The following CPNE8 variants were observed in gnomAD, a reference collection of about 807,000 sequenced individuals.
The protein encoded by CPNE8 is copine 8.
In CPNE8, 45 loss-of-function variants were observed where a neutral mutation model predicts 81.5. That is an observed-to-expected ratio of 0.55 (90% CI 0.44 to 0.71). CPNE8 has a LOEUF of 0.71. Among genes scored for constraint, CPNE8 ranks in the 30% least tolerant of loss-of-function variants. CPNE8 has a pLI of 0.00. For missense variants in CPNE8, 594 were observed against 672.1 expected, an observed-to-expected ratio of 0.88 and a Z score of 1.28; for synonymous variants, 252 against 226.3, an observed-to-expected ratio of 1.11 and a Z score of -1.02.
chr12:38,693,900 T>C, intron 14 of CPNE8, 62 bp from the exon 15 acceptor site: 1 of 1,358,010 alleles, frequency 7.4e-7, no homozygotes, highest in East Asian at 2.4e-5. Flanking sequence ...AACAAAATTT[T>C]TCTTGGTGTC....
At chr12:38,738,993 C>T (rs758281468) in intron 10 of CPNE8, among the ~76,000 whole-genome samples, 2 of 151,584 alleles carry the variant, frequency 1.3e-5, no homozygotes, top group Non-Finnish European at 2.9e-5. Context: ...TCTGTCTTTT[C>T]GTAGAGATGG....
intron 8 of CPNE8, among the ~76,000 whole-genome samples, chr12:38,767,190 C>T (rs549761794): frequency 6.6e-6 from 1 of 151,740 alleles, no homozygotes; most frequent in African/African-American, 2.4e-5. Context: ...TCATAACTGG[C>T]AAAAGTATTC....
chr12:38,743,055 TAACTA>T (rs1941146177), intron 10 of CPNE8, among the ~76,000 whole-genome samples: 1 of 152,106 alleles, frequency 6.6e-6, no homozygotes, highest in Non-Finnish European at 1.5e-5. Context: ...CATTTGTACT[TAACTA>T]AATACACAAT....
At chr12:38,795,708 G>A (rs1942444098) in intron 6 of CPNE8, among the ~76,000 whole-genome samples, 1 of 152,144 alleles carries the variant, frequency 6.6e-6, no homozygotes, top group African/African-American at 2.4e-5. Flanking sequence ...ATTACCGGCA[G>A]CTAGAGGGAA....
chr12:38,791,978 AC>A (rs936030079), intron 6 of CPNE8, among the ~76,000 whole-genome samples: 2 of 151,228 alleles, frequency 1.3e-5, no homozygotes, highest in African/African-American at 4.8e-5. Context: ...TTTTCACTTA[AC>A]AGTGGGTCAA....
chr12:38,836,391 T>A (rs966932432), intron 5 of CPNE8, among the ~76,000 whole-genome samples: 8 of 152,144 alleles, frequency 5.3e-5, no homozygotes, highest in Admixed American at 5.2e-4. Context: ...ATTTGCAATG[T>A]TAGAAATCTA....
rs561834290 is a variant in CPNE8, at chr12:38,700,167, C to T, written c.961+2708G>A. On this transcript the variant is annotated intron_variant, in intron 14 of 19. Transcript: ENST00000331366. ...TTCATCTCAAGACAAAAATGTTAAG[C>T]TTTTCACCACTAAGTATCATGTTAT... 1.5e-4 allele frequency among the ~76,000 whole-genome samples: 23 copies of T among 151,396 alleles called. No individual in the cohort carries two copies. In the South Asian group the frequency reaches 4.8e-3, roughly 32 times the overall value.
intron 1 of CPNE8, among the ~76,000 whole-genome samples, chr12:38,881,260 G>A (rs971031599): frequency 6.6e-6 from 1 of 151,410 alleles, no homozygotes; most frequent in Admixed American, 6.6e-5. Flanking sequence ...CTAAAAAGCC[G>A]AAGTCAGCTA....
At chr12:38,745,643 A>G (rs1454247671) in intron 10 of CPNE8, among the ~76,000 whole-genome samples, 1 of 152,174 alleles carries the variant, frequency 6.6e-6, no homozygotes, top group Non-Finnish European at 1.5e-5. Context: ...AATGGGCTCA[A>G]GCGATCCTCC....
At chr12:38,746,325 G>A (rs1941227074) in intron 10 of CPNE8, among the ~76,000 whole-genome samples, 1 of 152,132 alleles carries the variant, frequency 6.6e-6, no homozygotes, top group South Asian at 2.1e-4. Context: ...TACCATGAAT[G>A]GGGGAAAGAG....
At chr12:38,762,641 C>G (rs938790323) in intron 8 of CPNE8, among the ~76,000 whole-genome samples, 5 of 152,052 alleles carry the variant, frequency 3.3e-5, no homozygotes, top group African/African-American at 1.2e-4. Flanking sequence ...AGTGTGTGAA[C>G]TTTTAGTCTA....
intron 10 of CPNE8, among the ~76,000 whole-genome samples, chr12:38,733,082 A>G (rs1459429090): frequency 1.3e-5 from 2 of 152,012 alleles, no homozygotes; most frequent in African/African-American, 4.8e-5. Context: ...CATAAACATA[A>G]GGCAGTATAT....
In CPNE8 at chr12:38,767,671, G is replaced by T. The variant is rs1012840269; in HGVS notation, c.539C>A (p.Pro180His). ...DKKDFFGKSD[P>H]FLVFYRSNED... ...ATTACTTCGATAAAATACAAGGAAA[G>T]GATCTGATTTTCCAAAGAAGTCCTT... is the stretch of plus-strand genomic sequence containing the variant. The change falls in exon 8 of 20, where the codon CCT (proline) becomes CAT (histidine). Residue 180 changes from proline (P) to histidine (H), a missense_variant. Pro to His is a moderately conservative substitution (Grantham distance 77). Transcript: ENST00000331366. 4 of 1,565,604 alleles carry T rather than the reference G, an allele frequency of 2.6e-6. No homozygotes were observed. In the African/African-American group the frequency reaches 5.6e-5, roughly 22 times the overall value.
At chr12:38,805,667 A>G (rs1942780930) in intron 6 of CPNE8, among the ~76,000 whole-genome samples, 1 of 39,258 alleles carries the variant, frequency 2.5e-5, no homozygotes, top group Admixed American at 3.6e-4. Flanking sequence ...ATAATAAAAA[A>G]AAAAAACATT....
At chr12:38,871,572 T>G (rs1486670305) in intron 3 of CPNE8, among the ~76,000 whole-genome samples, 1 of 152,110 alleles carries the variant, frequency 6.6e-6, no homozygotes, top group Non-Finnish European at 1.5e-5. Flanking sequence ...GGAGAATTGT[T>G]GCAACAGGGA....
chr12:38,739,100 C>T (rs1181894086), intron 10 of CPNE8, among the ~76,000 whole-genome samples: 1 of 152,076 alleles, frequency 6.6e-6, no homozygotes, highest in African/African-American at 2.4e-5. Flanking sequence ...GTGTGAGCTG[C>T]CACGCCCAGC....
At chr12:38,820,275 T>C (rs1255199191) in intron 6 of CPNE8, among the ~76,000 whole-genome samples, 1 of 151,706 alleles carries the variant, frequency 6.6e-6, no homozygotes, top group African/African-American at 2.4e-5. Flanking sequence ...CGTGGTGATG[T>C]GCACCTATAA....
At position 38,762,130 on chromosome 12, in the gene CPNE8, C is replaced by T; in HGVS notation, c.662G>A (p.Cys221Tyr). 6.3e-7 allele frequency: 1 copy of T among 1,578,438 alleles called. No homozygotes were observed. Among genetic ancestry groups the T allele is most frequent in the African/African-American group, 1.4e-5 (1 of 73,672 alleles). The change falls in exon 9 of 20, where the codon TGT (cysteine) becomes TAT (tyrosine). Residue 221 changes from cysteine to tyrosine, a missense_variant. Cys to Tyr is a radical substitution (Grantham distance 194). Transcript: ENST00000331366. ...TTCTTACCTGTCATAGTCTCCATTA[C>T]ATAATGCTCTGACTGAGATCTTGAA... is the stretch of plus-strand genomic sequence containing the variant. ...QAFKISVRALCNGDYDRTIKV... is the reference protein window; with the variant it reads ...QAFKISVRALYNGDYDRTIKV...
intron 8 of CPNE8, among the ~76,000 whole-genome samples, chr12:38,765,078 C>T (rs1941659939): frequency 6.6e-6 from 1 of 152,126 alleles, no homozygotes; most frequent in Non-Finnish European, 1.5e-5. Context: ...AAGGCATGTC[C>T]TTCTTACTGA....
Sources: allele counts gnomAD v4.1 joint callset (sites outside exome capture counted in the v4.1 genomes callset), GRCh38; gene constraint gnomAD v4.1.1; transcripts MANE v1.5; gene names NCBI Gene and HGNC (gene_info 2026-07-23, HGNC 2026-07-21).